IKZF1: variants seen among roughly 807,000 people sequenced by gnomAD.
IKZF1 encodes IKAROS family zinc finger 1.
A neutral mutation model predicts 51.7 loss-of-function variants in IKZF1; 10 were observed. The observed-to-expected ratio is 0.19, with a 90% CI of 0.12 to 0.33. IKZF1 has a LOEUF of 0.33. Ranked by LOEUF, IKZF1 falls within the 10% of genes least tolerant of loss-of-function variation. The pLI is 1.00. For synonymous variants in IKZF1, 280 were observed against 282.3 expected, an observed-to-expected ratio of 0.99 and a Z score of 0.08; for missense variants, 484 against 707.5, an observed-to-expected ratio of 0.68 and a Z score of 3.58.
In IKZF1 at chr7:50,319,096, T is replaced by C; in HGVS notation, c.35T>C (p.Val12Ala). 6.2e-7 allele frequency: 1 copy of C among 1,613,692 alleles called. No individual in the cohort carries two copies. The highest frequency in any genetic ancestry group is 1.1e-5 in the South Asian group (1 of 91,058). The change falls in exon 2 of 8, where the codon GTT becomes GCT. Residue 12 changes from valine (V) to alanine (A), a missense_variant. This residue lies in a region of IKZF1 where 118 missense variants were observed against 138.4 expected (regional missense o/e 0.85). Transcript: ENST00000331340. ...DADEGQDMSQVSGKESPPVSD... is the reference protein window; with the variant it reads ...DADEGQDMSQASGKESPPVSD... ...GATGAGGGTCAAGACATGTCCCAAGTTTCAGGTGAGACCTTATGAGATAGC... is the reference window on the plus strand; with the variant it reads ...GATGAGGGTCAAGACATGTCCCAAGCTTCAGGTGAGACCTTATGAGATAGC...
Position 50,401,099 on chromosome 7 carries a change from C to T in IKZF1, c.*472C>T, listed in dbSNP as rs1363589770. 3 of 272,550 alleles carry T rather than the reference C, an allele frequency of 1.1e-5. No individual in the cohort carries two copies. Among genetic ancestry groups the T allele is most frequent in the Non-Finnish European group, 1.4e-5 (2 of 144,836 alleles). The allele number at this position is 272,550 out of a possible 1,614,324, so 16.9% of individuals were successfully genotyped here. A position where few individuals can be genotyped will look rare whatever the true frequency, so the allele number is the denominator to read the frequency against. On this transcript the variant is annotated 3_prime_UTR_variant, in exon 8 of 8. Coordinates refer to ENST00000331340, the MANE Select transcript of IKZF1 (RefSeq NM_006060.6). ...CTGTGTGGGTCTGCAGGTGAGCAGACAGGACAGGTGTGCCGCCACCCAAGT... is the reference window on the plus strand; with the variant it reads ...CTGTGTGGGTCTGCAGGTGAGCAGATAGGACAGGTGTGCCGCCACCCAAGT...
intron 3 of IKZF1, among the ~76,000 whole-genome samples, chr7:50,363,779 A>C (rs138064643): frequency 3.5e-4 from 54 of 152,292 alleles, no homozygotes; most frequent in African/African-American, 1.1e-3. Flanking sequence ...TTCAGGATCT[A>C]ACTCGTGCTT....
intron 3 of IKZF1, among the ~76,000 whole-genome samples, chr7:50,331,463 T>C (rs1338196149): frequency 1.3e-5 from 2 of 151,790 alleles, no homozygotes; most frequent in Admixed American, 1.3e-4. Flanking sequence ...AGTGGGAAAT[T>C]ATTTGCTAAT....
At chr7:50,331,771 G>T (rs895933534) in intron 3 of IKZF1, among the ~76,000 whole-genome samples, 1 of 152,232 alleles carries the variant, frequency 6.6e-6, no homozygotes, top group Non-Finnish European at 1.5e-5. Context: ...TGGGGAGAAG[G>T]AGACAGAGCC....
chr7:50,315,537 C>A (rs1791331566), intron 1 of IKZF1, among the ~76,000 whole-genome samples: 1 of 152,228 alleles, frequency 6.6e-6, no homozygotes, highest in African/African-American at 2.4e-5. Context: ...TAAAAGCATT[C>A]ATGTTCATAA....
intron 3 of IKZF1, among the ~76,000 whole-genome samples, chr7:50,346,697 T>C (rs1181136911): frequency 6.6e-6 from 1 of 152,162 alleles, no homozygotes; most frequent in East Asian, 1.9e-4. Flanking sequence ...CGAAAGGAGC[T>C]CTTCTGTGTG....
At chr7:50,343,097 T>C (rs1025710091) in intron 3 of IKZF1, among the ~76,000 whole-genome samples, 78 of 151,570 alleles carry the variant, frequency 5.1e-4, no homozygotes, top group African/African-American at 1.8e-3. Context: ...TTTCCTTCCT[T>C]CTTTCCTCTT....
chr7:50,367,343 T>G (rs1469350032), intron 3 of IKZF1, among the ~76,000 whole-genome samples: 1 of 152,184 alleles, frequency 6.6e-6, no homozygotes, highest in East Asian at 1.9e-4. Context: ...TACACATGTG[T>G]GCACATGTGC....
At chr7:50,341,688 A>G (rs1474570351) in intron 3 of IKZF1, among the ~76,000 whole-genome samples, 1 of 152,378 alleles carries the variant, frequency 6.6e-6, no homozygotes, top group East Asian at 1.9e-4. Flanking sequence ...CACATTAAAA[A>G]AGAAAAATGA....
At chr7:50,386,128 A>G (rs1022274165) in intron 5 of IKZF1, among the ~76,000 whole-genome samples, 3 of 152,262 alleles carry the variant, frequency 2.0e-5, no homozygotes, top group African/African-American at 7.2e-5. Flanking sequence ...TATTCCTTAC[A>G]TAAGTGATTA....
At chr7:50,318,968 G>A in intron 1 of IKZF1, 80 bp from the exon 2 acceptor site, 3 of 855,568 alleles carry the variant, frequency 3.5e-6, no homozygotes, top group South Asian at 2.8e-5. Context: ...AAATAGCATA[G>A]GGGTTCTTTA....
At chr7:50,399,275 C>G (rs779646469) in intron 7 of IKZF1, among the ~76,000 whole-genome samples, 1 of 152,232 alleles carries the variant, frequency 6.6e-6, no homozygotes, top group East Asian at 1.9e-4. Flanking sequence ...CCCTTCCACT[C>G]TCATCTCAAG....
chr7:50,383,030 C>T (rs1236174802), intron 5 of IKZF1, among the ~76,000 whole-genome samples: 4 of 152,172 alleles, frequency 2.6e-5, no homozygotes, highest in Admixed American at 1.3e-4. Flanking sequence ...AAGGATTTTG[C>T]GGGAAATGTT....
intron 3 of IKZF1, among the ~76,000 whole-genome samples, chr7:50,373,612 G>A (rs531964060): frequency 2.4e-4 from 36 of 152,266 alleles, no homozygotes; most frequent in African/African-American, 7.9e-4. Context: ...ATCTTAATTT[G>A]CTCCATTGTG....
intron 1 of IKZF1, among the ~76,000 whole-genome samples, chr7:50,316,838 C>T (rs1791693606): frequency 6.6e-6 from 1 of 152,224 alleles, no homozygotes; most frequent in South Asian, 2.1e-4. Flanking sequence ...AGAGCCTTGA[C>T]TTTGCCTTAG....
chr7:50,336,251 G>A (rs1021234522), intron 3 of IKZF1, among the ~76,000 whole-genome samples: 7 of 152,124 alleles, frequency 4.6e-5, no homozygotes, highest in Non-Finnish European at 8.8e-5. Context: ...GCCTGGCCCC[G>A]GCGGGGGCAG....
chr7:50,377,829 AC>A (rs1273772578), intron 4 of IKZF1, among the ~76,000 whole-genome samples: 2 of 152,228 alleles, frequency 1.3e-5, no homozygotes, highest in African/African-American at 4.8e-5. Context: ...GATAGCTGAA[AC>A]GTGAAACATA....
intron 3 of IKZF1, among the ~76,000 whole-genome samples, chr7:50,336,051 T>G (rs1797697901): frequency 6.6e-6 from 1 of 152,134 alleles, no homozygotes; most frequent in Non-Finnish European, 1.5e-5. Context: ...CTGCTCCATG[T>G]CTGACATTCC....
At chr7:50,353,211 A>G (rs1192462937) in intron 3 of IKZF1, among the ~76,000 whole-genome samples, 1 of 152,214 alleles carries the variant, frequency 6.6e-6, no homozygotes, top group Non-Finnish European at 1.5e-5. Flanking sequence ...TTCCACCAAC[A>G]TTCAGCAGAA....
Sources: gnomAD v4.1 joint callset for allele counts (sites outside exome capture counted in the v4.1 genomes callset) on GRCh38, gnomAD v4.1.1 for gene constraint, gnomAD v4.1.1 regional missense constraint, MANE v1.5 for transcripts, NCBI Gene and HGNC (gene_info 2026-07-23, HGNC 2026-07-21) for gene names.